Variants in CHMP1B observed in about 807,000 individuals in gnomAD.
The protein encoded by CHMP1B is VPS46 homolog B.
In CHMP1B, 5 loss-of-function variants were observed where a neutral mutation model predicts 11.5. That is an observed-to-expected ratio of 0.43 (90% CI 0.23 to 0.91). CHMP1B has a LOEUF of 0.91. CHMP1B is among the 40% of genes least tolerant of loss of function. CHMP1B has a pLI of 0.25. For synonymous variants in CHMP1B, 105 were observed against 105.7 expected (o/e 0.99, Z 0.04); for missense variants, 246 against 261.2 (o/e 0.94, Z 0.40).
rs16976750 is a variant in CHMP1B, at chr18:11,851,481, C to T, written c.-31C>T. ...CTCTGCCTTCGGCGCGCTTCTCAGC[C>T]GGGCCGCCGACCCAAAGGAGCCGTC... On this transcript the variant is annotated 5_prime_UTR_variant, in exon 1 of 1. Transcript: ENST00000526991. 674 of 1,504,530 alleles carry T rather than the reference C, an allele frequency of 4.5e-4. 2 individuals are homozygous for T. Among genetic ancestry groups the T allele is most frequent in the Non-Finnish European group, 3.6e-4 (408 of 1,132,008 alleles). The allele number at this position is 1,504,530 out of a possible 1,614,324, so 93.2% of individuals were successfully genotyped here.
In CHMP1B at chr18:11,852,160, G is replaced by A. The variant is rs1047544311; in HGVS notation, c.*49G>A. On this transcript the variant is annotated 3_prime_UTR_variant, in exon 1 of 1. Transcript: ENST00000526991. ...CCTGGCCATAGCCACCCTTTGAAAT[G>A]CTCTCTGTGTGTTAGAGAGATACTA... 4 of 1,510,528 alleles carry A rather than the reference G, an allele frequency of 2.6e-6. No homozygotes were observed. Among genetic ancestry groups the A allele is most frequent in the East Asian group, 2.4e-5 (1 of 41,014 alleles). The allele number at this position is 1,510,528 out of a possible 1,614,324, so 93.6% of individuals were successfully genotyped here.
Position 11,854,312 on chromosome 18 carries a change from A to T in CHMP1B, c.*2201A>T, listed in dbSNP as rs2035952620. On this transcript the variant is annotated 3_prime_UTR_variant, in exon 1 of 1. Transcript: ENST00000526991. ...AATATGTCCATGTCATACTATTATG[A>T]ATGTACATTTTTATGAGTCATAAAT... The T allele has an allele frequency of 6.0e-6, 1 of 167,046 alleles. No homozygotes were observed. 10.3% of individuals were successfully genotyped at this position (167,046 alleles called of 1,614,324 possible).
Position 11,852,411 on chromosome 18 carries a change from G to T in CHMP1B, c.*300G>T. 2.9e-6 allele frequency: 1 copy of T among 345,134 alleles called. No individual in the cohort carries two copies. Among genetic ancestry groups the T allele is most frequent in the Non-Finnish European group, 5.6e-6 (1 of 178,438 alleles). 21.4% of individuals were successfully genotyped at this position (345,134 alleles called of 1,614,324 possible). ...GAAGATCTGGTCAAAACTGTATTCAGTTTCCTGCCCAGAATGATCAGATTG... is the reference window on the plus strand; with the variant it reads ...GAAGATCTGGTCAAAACTGTATTCATTTTCCTGCCCAGAATGATCAGATTG... On this transcript the variant is annotated 3_prime_UTR_variant, in exon 1 of 1. Transcript: ENST00000526991.
rs2035911054 is a variant in CHMP1B at position 11,852,766 on chromosome 18, C to G, written c.*655C>G. 6.0e-6 allele frequency: 1 copy of G among 166,672 alleles called. No individual in the cohort carries two copies. The highest frequency in any genetic ancestry group is 6.5e-5 in the Admixed American group (1 of 15,268). The allele number at this position is 166,672 out of a possible 1,614,324, so 10.3% of individuals were successfully genotyped here. ...CTGCTTACATTCTATAAATTTTTCA[C>G]GTGATAATTGTCTTTGCGTAACTGG... On this transcript the variant is annotated 3_prime_UTR_variant, in exon 1 of 1. Coordinates refer to ENST00000526991, the MANE Select transcript of CHMP1B (RefSeq NM_020412.5).
Position 11,851,413 on chromosome 18 carries a change from C to A in CHMP1B, c.-99C>A. ...TCACAGTAGAAACAGGAAGTGGGAC[C>A]AAAACAAAGGAGCGGCGGCCGGGAG... On this transcript the variant is annotated 5_prime_UTR_variant, in exon 1 of 1. Coordinates refer to ENST00000526991, the MANE Select transcript of CHMP1B (RefSeq NM_020412.5). The A allele has an allele frequency of 7.2e-7, 1 of 1,388,748 alleles. No homozygotes were observed. The highest frequency in any genetic ancestry group is 9.5e-7 in the Non-Finnish European group (1 of 1,056,894). 86.0% of individuals were successfully genotyped at this position (1,388,748 alleles called of 1,614,324 possible). A position where few individuals can be genotyped will look rare whatever the true frequency, so the allele number is the denominator to read the frequency against.
chr18:11,851,983 G>A lies in CHMP1B; in HGVS notation c.472G>A (p.Asp158Asn). The part of the protein sequence containing the change: ...QVDMLLQEMA[D>N]EAGLDLNMEL... Reference sequence around the variant, plus strand: ...GGATATGCTGCTCCAGGAAATGGCAGATGAGGCGGGCCTCGACCTCAACAT... The same window carrying A: ...GGATATGCTGCTCCAGGAAATGGCAAATGAGGCGGGCCTCGACCTCAACAT... Residue 158 changes from aspartate (D) to asparagine (N), a missense_variant, in exon 1 of 1, where the codon GAT becomes AAT. By Grantham distance (23) the Asp-to-Asn change is conservative. Coordinates refer to ENST00000526991, the MANE Select transcript of CHMP1B (RefSeq NM_020412.5). 6.2e-7 allele frequency: 1 copy of A among 1,613,820 alleles called. No individual in the cohort carries two copies. Among genetic ancestry groups the A allele is most frequent in the Non-Finnish European group, 8.5e-7 (1 of 1,179,876 alleles).
rs761542966 is a variant in CHMP1B, at chr18:11,852,106, G to A, written c.595G>A (p.Val199Met). 1 of 1,597,152 alleles carries A rather than the reference G, an allele frequency of 6.3e-7. No individual in the cohort carries two copies. Among genetic ancestry groups the A allele is most frequent in the East Asian group, 2.3e-5 (1 of 44,166 alleles). Residue 199 changes from valine (V) to methionine (M), a missense_variant, in exon 1 of 1, where the codon GTG becomes ATG. Coordinates refer to ENST00000526991, the MANE Select transcript of CHMP1B (RefSeq NM_020412.5). ...SQRLARLRDQ[V>M] Reference sequence around the variant, plus strand: ...GAGACTGGCCCGCCTTCGGGATCAAGTGTGACGGCAGAACCCGCTCTGAGG... The same window carrying A: ...GAGACTGGCCCGCCTTCGGGATCAAATGTGACGGCAGAACCCGCTCTGAGG...
Position 11,851,686 on chromosome 18 carries a change from A to G in CHMP1B, c.175A>G (p.Lys59Glu). ...ACACGCCGAAAATGCCATCCGCCAG[A>G]AGAACCAGGCGGTGAATTTCTTGAG... ...RIHAENAIRQKNQAVNFLRMS... is the reference protein window; with the variant it reads ...RIHAENAIRQENQAVNFLRMS... Residue 59 changes from lysine (K) to glutamate (E), a missense_variant, in exon 1 of 1, where the codon AAG (lysine) becomes GAG (glutamate). Transcript: ENST00000526991. 4 of 1,614,060 alleles carry G rather than the reference A, an allele frequency of 2.5e-6. No homozygotes were observed. The highest frequency in any genetic ancestry group is 1.1e-5 in the South Asian group (1 of 91,084).
Position 11,852,488 on chromosome 18 carries a change from G to T in CHMP1B, c.*377G>T, listed in dbSNP as rs2035899891. 9.7e-6 allele frequency: 2 copies of T among 207,204 alleles called. No homozygotes were observed. The highest frequency in any genetic ancestry group is 2.4e-5 in the African/African-American group (1 of 42,536). 12.8% of individuals were successfully genotyped at this position (207,204 alleles called of 1,614,324 possible). On this transcript the variant is annotated 3_prime_UTR_variant, in exon 1 of 1. Transcript: ENST00000526991. ...AGTGTGATTGATAGTATCTAGAATG[G>T]CAGGTGGTGCATAAAAGTTAAAGAG...
At position 11,852,179 on chromosome 18, in the gene CHMP1B, GATA is replaced by G; in HGVS notation, c.*69_*71del. The G allele has an allele frequency of 6.8e-7, 1 of 1,466,946 alleles. No homozygotes were observed. The highest frequency in any genetic ancestry group is 9.0e-7 in the Non-Finnish European group (1 of 1,105,252). 90.9% of individuals were successfully genotyped at this position (1,466,946 alleles called of 1,614,324 possible). ...TGAAATGCTCTCTGTGTGTTAGAGA[GATA>G]CTATACCCTAGAAACTCTGAACACG... On this transcript the variant is annotated 3_prime_UTR_variant, in exon 1 of 1. Transcript: ENST00000526991.
rs781063506 is a variant in CHMP1B, at chr18:11,852,036, C to G, written c.525C>G (p.Ser175=). The part of the protein sequence containing the change: ...NMELPQGQTG[S]VGTSVASAEQ... ...AGCTGCCGCAGGGCCAGACCGGCTC[C>G]GTGGGCACGAGCGTGGCTTCGGCGG... The change falls in exon 1 of 1, where the codon TCC becomes TCG. Residue 175 remains serine (S), a synonymous_variant. Transcript: ENST00000526991. The G allele has an allele frequency of 5.0e-6, 8 of 1,613,760 alleles. No homozygotes were observed. The highest frequency in any genetic ancestry group is 6.8e-6 in the Non-Finnish European group (8 of 1,179,848).
chr18:11,851,553 G>C lies in CHMP1B; in HGVS notation c.42G>C (p.Ala14=). ...AACACCTGTTCAACCTGAAGTTCGC[G>C]GCCAAAGAACTGAGTAGGAGTGCCA... ...MEKHLFNLKF[A]AKELSRSAKK... is the part of the protein sequence containing the mutation. The change falls in exon 1 of 1, where the codon GCG becomes GCC. Residue 14 remains alanine, a synonymous_variant. Coordinates refer to ENST00000526991, the MANE Select transcript of CHMP1B (RefSeq NM_020412.5). The C allele has an allele frequency of 1.9e-6, 3 of 1,608,654 alleles. No individual in the cohort carries two copies. The highest frequency in any genetic ancestry group is 1.7e-6 in the Non-Finnish European group (2 of 1,177,902).
chr18:11,851,941 A>G lies in CHMP1B; in HGVS notation c.430A>G (p.Thr144Ala), dbSNP rs754140300. The change falls in exon 1 of 1, where the codon ACT becomes GCT. Residue 144 changes from threonine (T) to alanine (A), a missense_variant. Transcript: ENST00000526991. Reference sequence around the variant, plus strand: ...GATGAGCAGCACGACGACGCTCACCACTCCCCAGAACCAAGTGGATATGCT... The same window carrying G: ...GATGAGCAGCACGACGACGCTCACCGCTCCCCAGAACCAAGTGGATATGCT... ...DTMSSTTTLTTPQNQVDMLLQ... is the reference protein window; with the variant it reads ...DTMSSTTTLTAPQNQVDMLLQ... 2.5e-6 allele frequency: 4 copies of G among 1,613,798 alleles called. No individual in the cohort carries two copies. Among genetic ancestry groups the G allele is most frequent in the East Asian group, 2.2e-5 (1 of 44,874 alleles).
At position 11,851,914 on chromosome 18, in the gene CHMP1B, A is replaced by G. The variant is rs763336856; in HGVS notation, c.403A>G (p.Thr135Ala). The change falls in exon 1 of 1, where the codon ACG becomes GCG. Residue 135 changes from threonine to alanine, a missense_variant. Physicochemically the swap from Thr to Ala is moderately conservative, Grantham distance 58. Transcript: ENST00000526991. ...LDVQTQQMED[T>A]MSSTTTLTTP... ...CGTCCAGACGCAGCAAATGGAAGAC[A>G]CGATGAGCAGCACGACGACGCTCAC... 1.9e-6 allele frequency: 3 copies of G among 1,614,020 alleles called. No homozygotes were observed. The highest frequency in any genetic ancestry group is 2.5e-6 in the Non-Finnish European group (3 of 1,179,900).
At position 11,852,395 on chromosome 18, in the gene CHMP1B, G is replaced by A. The variant is rs2035896996; in HGVS notation, c.*284G>A. The A allele has an allele frequency of 7.8e-6, 3 of 382,340 alleles. No homozygotes were observed. The highest frequency in any genetic ancestry group is 7.9e-4 in the Middle Eastern group (1 of 1,268). 23.7% of individuals were successfully genotyped at this position (382,340 alleles called of 1,614,324 possible). On this transcript the variant is annotated 3_prime_UTR_variant, in exon 1 of 1. Transcript: ENST00000526991. ...TATATGAATCTTTCTCGAAGATCTG[G>A]TCAAAACTGTATTCAGTTTCCTGCC... is the stretch of plus-strand genomic sequence containing the variant.
Position 11,851,803 on chromosome 18 carries a change from T to A in CHMP1B, c.292T>A (p.Ser98Thr). Reference protein sequence around the residue: ...VTKSMAGVVKSMDATLKTMNL... With the variant: ...VTKSMAGVVKTMDATLKTMNL... ...CAAGTCGATGGCTGGTGTGGTTAAGTCGATGGATGCGACATTGAAGACCAT... is the reference window on the plus strand; with the variant it reads ...CAAGTCGATGGCTGGTGTGGTTAAGACGATGGATGCGACATTGAAGACCAT... The change falls in exon 1 of 1, where the codon TCG (serine) becomes ACG (threonine). Residue 98 changes from serine to threonine, a missense_variant. By Grantham distance (58) the Ser-to-Thr change is moderately conservative (BLOSUM62 1). Coordinates refer to ENST00000526991, the MANE Select transcript of CHMP1B (RefSeq NM_020412.5). 1.2e-6 allele frequency: 2 copies of A among 1,613,898 alleles called. No individual in the cohort carries two copies. Among genetic ancestry groups the A allele is most frequent in the Non-Finnish European group, 1.7e-6 (2 of 1,179,892 alleles).
Position 11,852,451 on chromosome 18 carries a change from T to G in CHMP1B, c.*340T>G, listed in dbSNP as rs1598428970. The G allele has an allele frequency of 1.1e-5, 3 of 263,946 alleles. No homozygotes were observed. In the East Asian group the frequency reaches 2.6e-4, roughly 23 times the overall value. 16.4% of individuals were successfully genotyped at this position (263,946 alleles called of 1,614,324 possible). On this transcript the variant is annotated 3_prime_UTR_variant, in exon 1 of 1. Coordinates refer to ENST00000526991, the MANE Select transcript of CHMP1B (RefSeq NM_020412.5). ...TGATCAGATTGAAGGTGGTTGGTTT[T>G]TATTATTATTTAGTGTGATTGATAG...
Position 11,851,558 on chromosome 18 carries a change from A to C in CHMP1B, c.47A>C (p.Lys16Thr). The change falls in exon 1 of 1, where the codon AAA (lysine) becomes ACA (threonine). Residue 16 changes from lysine to threonine, a missense_variant. Lys to Thr is a moderately conservative substitution (Grantham distance 78). Coordinates refer to ENST00000526991, the MANE Select transcript of CHMP1B (RefSeq NM_020412.5). ...KHLFNLKFAA[K>T]ELSRSAKKCD... ...CTGTTCAACCTGAAGTTCGCGGCCA[A>C]AGAACTGAGTAGGAGTGCCAAAAAA... 6.2e-7 allele frequency: 1 copy of C among 1,610,470 alleles called. No individual in the cohort carries two copies. Among genetic ancestry groups the C allele is most frequent in the Non-Finnish European group, 8.5e-7 (1 of 1,178,570 alleles).
rs777720728 is a variant in CHMP1B, at chr18:11,851,842, A to C, written c.331A>C (p.Ile111Leu). The change falls in exon 1 of 1, where the codon ATT becomes CTT. Residue 111 changes from isoleucine (I) to leucine (L), a missense_variant. Transcript: ENST00000526991. Reference sequence around the variant, plus strand: ...ATTGAAGACCATGAATCTGGAGAAGATTTCTGCTTTGATGGACAAATTCGA... The same window carrying C: ...ATTGAAGACCATGAATCTGGAGAAGCTTTCTGCTTTGATGGACAAATTCGA... ...ATLKTMNLEKISALMDKFEHQ... is the reference protein window; with the variant it reads ...ATLKTMNLEKLSALMDKFEHQ... 4 of 1,613,964 alleles carry C rather than the reference A, an allele frequency of 2.5e-6. No homozygotes were observed. Among genetic ancestry groups the C allele is most frequent in the Non-Finnish European group, 3.4e-6 (4 of 1,179,896 alleles).
Sources: gnomAD v4.1 joint callset for allele counts on GRCh38, gnomAD v4.1.1 for gene constraint, MANE v1.5 for transcripts, NCBI Gene and HGNC (gene_info 2026-07-23, HGNC 2026-07-21) for gene names.